ASZ1: variants seen among roughly 807,000 people sequenced by gnomAD.
The protein encoded by ASZ1 is ankyrin repeat, SAM and basic leucine zipper domain containing 1.
A neutral mutation model predicts 61.8 loss-of-function variants in ASZ1; 67 were observed. The observed-to-expected ratio is 1.08, with a 90% CI of 0.89 to 1.33. ASZ1 has a LOEUF of 1.33. ASZ1 is among the 40% of genes most tolerant of loss of function. ASZ1 has a pLI of 0.00. For synonymous variants in ASZ1, 193 were observed against 192.7 expected (o/e 1.00, Z -0.01); for missense variants, 577 against 554.5 (o/e 1.04, Z -0.41).
At chr7:117,383,407 A>G (rs1050715113) in intron 6 of ASZ1, among the ~76,000 whole-genome samples, 3 of 152,078 alleles carry the variant, frequency 2.0e-5, no homozygotes, top group Admixed American at 2.0e-4. Flanking sequence ...TCAGAAAAGA[A>G]AAAAGTACAT....
rs1405085666 is a variant in ASZ1, at chr7:117,363,658, T to C, written c.1366A>G (p.Ile456Val). 1 of 1,610,606 alleles carries C rather than the reference T, an allele frequency of 6.2e-7. No individual in the cohort carries two copies. Among genetic ancestry groups the C allele is most frequent in the Admixed American group, 1.7e-5 (1 of 59,586 alleles). ...AGAAAACCGAATCCGCATATGGTAA[T>C]AGCTGTCCTCTTCAAAATTCTACTA... ...WNSRILKRTA[I>V]TICGFGFLLF... Residue 456 changes from isoleucine to valine, a missense_variant, in exon 13 of 13, where the codon ATT (isoleucine) becomes GTT (valine). Ile to Val is a conservative substitution (Grantham distance 29). Transcript: ENST00000284629.
intron 4 of ASZ1, among the ~76,000 whole-genome samples, chr7:117,397,977 A>G (rs888733442): frequency 1.3e-5 from 2 of 152,260 alleles, no homozygotes; most frequent in Non-Finnish European, 2.9e-5. Context: ...TGGGTAGCCA[A>G]TAGGGACCTC....
chr7:117,389,084 C>T (rs1164051435), intron 4 of ASZ1, among the ~76,000 whole-genome samples: 1 of 151,938 alleles, frequency 6.6e-6, no homozygotes. Flanking sequence ...CTAGTATTTG[C>T]ATATATGCAT....
At chr7:117,403,834 G>T (rs115533756) in intron 4 of ASZ1, among the ~76,000 whole-genome samples, 1 of 152,172 alleles carries the variant, frequency 6.6e-6, no homozygotes. Context: ...GTGAGTGGCA[G>T]GTGAGCGAGC....
chr7:117,422,573 G>A (rs17139824), intron 2 of ASZ1, among the ~76,000 whole-genome samples: 3,194 of 152,260 alleles, frequency 0.021, 109 homozygotes, highest in African/African-American at 0.073. Context: ...ACTATGTTCC[G>A]AGACTGATAT....
rs569895292 is a variant in ASZ1 at position 117,418,496 on chromosome 7, T to C, written c.440+1667A>G. Among the ~76,000 whole-genome samples the C allele has an allele frequency of 1.1e-3, 166 of 151,682 alleles. 5 individuals carry two copies. The South Asian group carries it at 0.025, about 23-fold the overall frequency. On this transcript the variant is annotated intron_variant, in intron 4 of 12. Transcript: ENST00000284629. Reference sequence around the variant, plus strand: ...GGTGAAACCCCATCTCTACTAAAAATACAAAAATCAGTCAGTCGTGGTGGC... The same window carrying C: ...GGTGAAACCCCATCTCTACTAAAAACACAAAAATCAGTCAGTCGTGGTGGC...
At chr7:117,413,592 C>T (rs552943592) in intron 4 of ASZ1, among the ~76,000 whole-genome samples, 1 of 151,972 alleles carries the variant, frequency 6.6e-6, no homozygotes, top group South Asian at 2.1e-4. Flanking sequence ...GTCCTAGAGG[C>T]TTAATTTTAA....
intron 12 of ASZ1, 78 bp downstream of exon 12, chr7:117,367,274 A>G: frequency 8.9e-7 from 1 of 1,119,084 alleles, no homozygotes; most frequent in East Asian, 3.1e-5. Flanking sequence ...TCTTACCAGA[A>G]CTGCTTCATT....
intron 4 of ASZ1, among the ~76,000 whole-genome samples, chr7:117,399,649 G>A (rs188604365): frequency 2.6e-4 from 39 of 149,848 alleles, no homozygotes; most frequent in Middle Eastern, 3.4e-3. Context: ...CAGAACAGGC[G>A]AACCTATAGA....
At chr7:117,397,235 C>T (rs1796593467) in intron 4 of ASZ1, among the ~76,000 whole-genome samples, 2 of 151,772 alleles carry the variant, frequency 1.3e-5, no homozygotes, top group South Asian at 2.1e-4. Flanking sequence ...CGAACCGAAC[C>T]GAACCGAACC....
At chr7:117,411,557 G>A (rs1796889844) in intron 4 of ASZ1, among the ~76,000 whole-genome samples, 1 of 151,772 alleles carries the variant, frequency 6.6e-6, no homozygotes, top group Admixed American at 6.6e-5. Flanking sequence ...AAACTTTTTG[G>A]AGGACAGTTT....
intron 10 of ASZ1, among the ~76,000 whole-genome samples, chr7:117,369,889 T>G (rs1468586306): frequency 6.6e-6 from 1 of 152,204 alleles, no homozygotes; most frequent in Non-Finnish European, 1.5e-5. Flanking sequence ...ATTAGCTTTA[T>G]GATTTTGGGC....
chr7:117,385,228 G>A (rs1300305725), intron 5 of ASZ1, among the ~76,000 whole-genome samples: 2 of 151,752 alleles, frequency 1.3e-5, no homozygotes, highest in African/African-American at 2.4e-5. Context: ...TAAGGACTAC[G>A]AGAGTCAGTT....
intron 4 of ASZ1, among the ~76,000 whole-genome samples, chr7:117,416,207 A>G (rs1207830162): frequency 6.6e-6 from 1 of 152,094 alleles, no homozygotes; most frequent in African/African-American, 2.4e-5. Context: ...ATAAATAAAT[A>G]ATAAAATAAA....
chr7:117,384,908 T>A, intron 5 of ASZ1, 48 bp from the exon 6 acceptor site: 2 of 1,473,936 alleles, frequency 1.4e-6, no homozygotes, highest in Non-Finnish European at 1.8e-6. Flanking sequence ...GGAGTGTATA[T>A]GAGACAGACA....
chr7:117,419,309 C>T lies in ASZ1; in HGVS notation c.440+854G>A, dbSNP rs1797057149. ...AGACTAAAATATTATTTTTTTAAAT[C>T]TCAACAAAGATTTGGGAACTATCTA... On this transcript the variant is annotated intron_variant, in intron 4 of 12. Coordinates refer to ENST00000284629, the MANE Select transcript of ASZ1 (RefSeq NM_130768.3). Among the ~76,000 whole-genome samples the T allele has an allele frequency of 3.3e-5, 5 of 152,074 alleles. No individual in the cohort carries two copies. The South Asian group carries it at 1.0e-3, about 32-fold the overall frequency.
At chr7:117,387,307 T>TCAACAACAAA (rs1554361951) in intron 4 of ASZ1, among the ~76,000 whole-genome samples, 1 of 147,270 alleles carries the variant, frequency 6.8e-6, no homozygotes, top group African/African-American at 2.5e-5. Context: ...AGACCCTGTC[T>TCAACAACAAA]CAACAACAAC....
chr7:117,370,803 A>G (rs1796034640), intron 10 of ASZ1, among the ~76,000 whole-genome samples: 1 of 97,542 alleles, frequency 1.0e-5, no homozygotes. Flanking sequence ...ACCAAAGGTA[A>G]TTGTGTGTGT....
chr7:117,382,224 G>T lies in ASZ1; in HGVS notation c.813-80C>A, dbSNP rs1326949146. On this transcript the variant is annotated intron_variant, in intron 7 of 12. Transcript: ENST00000284629. ...ATAAATATACATTTATATTGCAAGA[G>T]AATATGAATAATAATGAATTCATGT... 4 of 853,240 alleles carry T rather than the reference G, an allele frequency of 4.7e-6. No individual in the cohort carries two copies. In the African/African-American group the frequency reaches 5.1e-5, roughly 11 times the overall value. The allele number at this position is 853,240 out of a possible 1,614,324, so 52.9% of individuals were successfully genotyped here.
Sources: allele counts gnomAD v4.1 joint callset (sites outside exome capture counted in the v4.1 genomes callset), GRCh38; gene constraint gnomAD v4.1.1; transcripts MANE v1.5; gene names NCBI Gene and HGNC (gene_info 2026-07-23, HGNC 2026-07-21).